Variants in GKAP1 observed in about 807,000 individuals in gnomAD.
GKAP1 encodes the protein G kinase anchoring protein 1, also known as G kinase-anchoring protein 1.
In GKAP1, 31 loss-of-function variants were observed where a neutral mutation model predicts 56.7. That is an observed-to-expected ratio of 0.55 (90% CI 0.41 to 0.74). GKAP1 has a LOEUF of 0.74. Ranked by LOEUF, GKAP1 falls within the 30% of genes least tolerant of loss-of-function variation. GKAP1 has a pLI of 0.00. For synonymous variants in GKAP1, 151 were observed against 138.6 expected (o/e 1.09, Z -0.63); for missense variants, 364 against 402.3 (o/e 0.90, Z 0.82).
Position 83,806,457 on chromosome 9 carries a change from C to T in GKAP1, c.61G>A (p.Val21Met). The T allele has an allele frequency of 5.0e-6, 8 of 1,614,088 alleles. No individual in the cohort carries two copies. The highest frequency in any genetic ancestry group is 5.9e-6 in the Non-Finnish European group (7 of 1,179,974). ...GAATCAGAGCCACTGCCACTATCCA[C>T]TTGTAACAGGGCAAAACGAGAAGCG... ...TTASRFALLQ[V>M]DSGSGSDSEP... The change falls in exon 3 of 13, where the codon GTG (valine) becomes ATG (methionine). Residue 21 changes from valine to methionine, a missense_variant. Val to Met is a conservative substitution (Grantham distance 21, BLOSUM62 1). Transcript: ENST00000376371.
Position 83,739,733 on chromosome 9 carries a change from T to C in GKAP1, c.1065A>G (p.Lys355=). The change falls in exon 13 of 13, where the codon AAA becomes AAG. Residue 355 remains lysine (K), a synonymous_variant. Transcript: ENST00000376371. ...AELAKYQGGR[K]GKRNSESDQC... Reference sequence around the variant, plus strand: ...GGTCGGATTCAGAGTTTCTTTTCCCTTTTCTGCCACCCTGTAAAAAAAAAA... The same window carrying C: ...GGTCGGATTCAGAGTTTCTTTTCCCCTTTCTGCCACCCTGTAAAAAAAAAA... 1.2e-6 allele frequency: 2 copies of C among 1,606,374 alleles called. No individual in the cohort carries two copies. The highest frequency in any genetic ancestry group is 1.7e-6 in the Non-Finnish European group (2 of 1,175,614).
chr9:83,764,953 C>G (rs986256288), intron 8 of GKAP1, among the ~76,000 whole-genome samples: 9 of 152,222 alleles, frequency 5.9e-5, no homozygotes, highest in African/African-American at 1.9e-4. Context: ...AAATTCAAGT[C>G]TACCACACAA....
At chr9:83,777,477 G>T (rs930623292) in intron 7 of GKAP1, among the ~76,000 whole-genome samples, 1 of 151,848 alleles carries the variant, frequency 6.6e-6, no homozygotes, top group African/African-American at 2.4e-5. Context: ...TTTATAAAGA[G>T]GTATGTACAA....
intron 9 of GKAP1, among the ~76,000 whole-genome samples, chr9:83,750,959 C>T (rs1304944496): frequency 6.6e-6 from 1 of 152,188 alleles, no homozygotes; most frequent in Non-Finnish European, 1.5e-5. Flanking sequence ...CCTCAGCATT[C>T]CAAGTAGCTG....
At chr9:83,792,664 A>G (rs1375290201) in intron 4 of GKAP1, among the ~76,000 whole-genome samples, 1 of 152,198 alleles carries the variant, frequency 6.6e-6, no homozygotes, top group Non-Finnish European at 1.5e-5. Context: ...CTCTAAACAT[A>G]TCTTTATTCT....
chr9:83,753,386 G>A, intron 8 of GKAP1, 27 bp from the exon 9 acceptor site: 1 of 1,337,436 alleles, frequency 7.5e-7, no homozygotes, highest in African/African-American at 1.4e-5. Flanking sequence ...AACACTTTAG[G>A]ACTTTGATTA....
intron 7 of GKAP1, among the ~76,000 whole-genome samples, chr9:83,774,116 C>T (rs1317372579): frequency 6.6e-6 from 1 of 151,936 alleles, no homozygotes; most frequent in Admixed American, 6.6e-5. Context: ...AGTGATCCAC[C>T]CGCCTCGGCC....
rs1410787475 is a variant in GKAP1 at position 83,817,541 on chromosome 9, G to GCCCTCCTCT, written c.-209_-201dup. 6.6e-6 allele frequency: 1 copy of GCCCTCCTCT among 151,854 alleles called. No individual in the cohort carries two copies. The highest frequency in any genetic ancestry group is 2.4e-5 in the African/African-American group (1 of 41,430). 9.4% of individuals were successfully genotyped at this position (151,854 alleles called of 1,614,324 possible). On this transcript the variant is annotated 5_prime_UTR_variant, in exon 1 of 13. Transcript: ENST00000376371. Reference sequence around the variant, plus strand: ...CCGGGCCTCCCGTGCCGCCGGCTCGGCCCTCCTCTCCCTCCTCCCCCCGCC... The same window carrying GCCCTCCTCT: ...CCGGGCCTCCCGTGCCGCCGGCTCGGCCCTCCTCTCCCTCCTCTCCCTCCTCCCCCCGCC...
chr9:83,790,076 A>C (rs994482748), intron 4 of GKAP1, among the ~76,000 whole-genome samples: 8 of 152,224 alleles, frequency 5.3e-5, no homozygotes, highest in Non-Finnish European at 1.2e-4. Flanking sequence ...CTATGAACTA[A>C]ACATTTCTAA....
chr9:83,792,132 A>C (rs1327099588), intron 4 of GKAP1, among the ~76,000 whole-genome samples: 1 of 152,210 alleles, frequency 6.6e-6, no homozygotes, highest in Non-Finnish European at 1.5e-5. Flanking sequence ...TGAATCTCAG[A>C]ACATTTAAAA....
At chr9:83,787,006 C>G (rs1239222881) in intron 5 of GKAP1, among the ~76,000 whole-genome samples, 1 of 152,160 alleles carries the variant, frequency 6.6e-6, no homozygotes, top group Non-Finnish European at 1.5e-5. Context: ...TGTAACCTGA[C>G]AGTCCATTTA....
At chr9:83,769,093 AAAAG>A (rs918995001) in intron 7 of GKAP1, 123 bp from the exon 8 acceptor site, 2 of 634,746 alleles carry the variant, frequency 3.2e-6, no homozygotes, top group Non-Finnish European at 5.2e-6. Flanking sequence ...GAAGGATAAA[AAAAG>A]AAAGAAAAAT....
intron 2 of GKAP1, among the ~76,000 whole-genome samples, chr9:83,812,658 TA>T (rs199726971): frequency 0.12 from 17,082 of 140,942 alleles, 1,063 homozygotes; most frequent in Non-Finnish European, 0.15. Flanking sequence ...ATATTAGTTC[TA>T]AAAAAAAAAA....
chr9:83,803,857 T>C (rs545800489), intron 3 of GKAP1, among the ~76,000 whole-genome samples: 2,659 of 150,114 alleles, frequency 0.018, 39 homozygotes, highest in Non-Finnish European at 0.025. Context: ...GGAGCGTTTC[T>C]GCCCGGCCGC....
In GKAP1 at chr9:83,782,284, A is replaced by G. The variant is rs548064392; in HGVS notation, c.563-1880T>C. On this transcript the variant is annotated intron_variant, in intron 6 of 12. Transcript: ENST00000376371. ...TGCTTTGGCCTCCCAAAGCACTGGG[A>G]TTAAAGGTATGGTCCACTGCATCCA... is the stretch of plus-strand genomic sequence containing the variant. 3.3e-5 allele frequency among the ~76,000 whole-genome samples: 5 copies of G among 151,800 alleles called. No homozygotes were observed. In the South Asian group the frequency reaches 1.0e-3, roughly 32 times the overall value.
intron 4 of GKAP1, among the ~76,000 whole-genome samples, chr9:83,795,481 C>G (rs1564209304): frequency 6.6e-6 from 1 of 150,996 alleles, no homozygotes; most frequent in Non-Finnish European, 1.5e-5. Flanking sequence ...ATTGTTTGTG[C>G]TCTTTATTTA....
rs112965012 is a variant in GKAP1 at position 83,784,708 on chromosome 9, A to G, written c.562+7T>C. 3.1e-3 allele frequency: 4,924 copies of G among 1,576,400 alleles called. 133 individuals are homozygous for G. The African/African-American group carries it at 0.059, about 19-fold the overall frequency. On this transcript the variant is annotated splice_region_variant and intron_variant, in intron 6 of 12. Transcript: ENST00000376371. Reference sequence around the variant, plus strand: ...CTTTTAGCATAATAGCATTGTATATACATTACCTTCCGAATGAAAATCTTT... The same window carrying G: ...CTTTTAGCATAATAGCATTGTATATGCATTACCTTCCGAATGAAAATCTTT...
chr9:83,797,341 C>G (rs1024755071), intron 4 of GKAP1, among the ~76,000 whole-genome samples: 4 of 152,166 alleles, frequency 2.6e-5, no homozygotes, highest in East Asian at 1.9e-4. Flanking sequence ...AAGAACACCC[C>G]CTACATTGTA....
rs188473760 is a variant in GKAP1 at position 83,741,433 on chromosome 9, T to C, written c.1053+519A>G. 8.6e-5 allele frequency among the ~76,000 whole-genome samples: 13 copies of C among 151,792 alleles called. No individual in the cohort carries two copies. The East Asian group carries it at 2.5e-3, about 29-fold the overall frequency. ...TTAATTGCTTCATCCTGGAACAAAC[T>C]GCTCAATGCTAGCTTGTAAATGCAG... On this transcript the variant is annotated intron_variant, in intron 12 of 12. Coordinates refer to ENST00000376371, the MANE Select transcript of GKAP1 (RefSeq NM_025211.4).
Sources: allele counts gnomAD v4.1 joint callset (sites outside exome capture counted in the v4.1 genomes callset), GRCh38; gene constraint gnomAD v4.1.1; transcripts MANE v1.5; gene names NCBI Gene and HGNC (gene_info 2026-07-23, HGNC 2026-07-21).